The following TAB2 variants were observed in gnomAD, a reference collection of about 807,000 sequenced individuals.
The protein encoded by TAB2 is TGF-beta activated kinase 1 (MAP3K7) binding protein 2.
TAB2 carries 3 observed loss-of-function variants against 65.0 expected under a neutral mutation model. The observed-to-expected ratio is 0.05, with a 90% CI of 0.02 to 0.12. TAB2 has a LOEUF of 0.12. Among genes scored for constraint, TAB2 ranks in the 10% least tolerant of loss-of-function variants. The pLI, the probability that TAB2 is intolerant of heterozygous loss-of-function variation, is 1.00. For synonymous variants in TAB2, 298 were observed against 285.1 expected, an observed-to-expected ratio of 1.05 and a Z score of -0.46; for missense variants, 623 against 840.3, an observed-to-expected ratio of 0.74 and a Z score of 3.20.
At chr6:149,256,625 A>G (rs1238241571) in intron 1 of TAB2, among the ~76,000 whole-genome samples, 1 of 152,168 alleles carries the variant, frequency 6.6e-6, no homozygotes, top group Non-Finnish European at 1.5e-5. Context: ...TAATATGTTT[A>G]TTGCACTAGA....
At chr6:149,282,703 A>G (rs747536452) in intron 1 of TAB2, among the ~76,000 whole-genome samples, 4 of 152,226 alleles carry the variant, frequency 2.6e-5, no homozygotes, top group African/African-American at 9.6e-5. Flanking sequence ...CTCAGATCGT[A>G]TTTTAGGGCA....
At chr6:149,366,837 A>G (rs1221081227) in intron 1 of TAB2, among the ~76,000 whole-genome samples, 1 of 152,072 alleles carries the variant, frequency 6.6e-6, no homozygotes, top group East Asian at 1.9e-4. Flanking sequence ...ATGGTGAGAG[A>G]TTTCAGTGTA....
Position 149,410,273 on chromosome 6 carries a change from A to G in TAB2, c.*554A>G. ...CGTGTCTCCACTCTGTGAAGCCAGC[A>G]TCTAGGGGCTAAAGATGCAAAGGAA... is the stretch of plus-strand genomic sequence containing the variant. On this transcript the variant is annotated 3_prime_UTR_variant, in exon 7 of 7. Transcript: ENST00000637181. 6.1e-6 allele frequency: 1 copy of G among 163,124 alleles called. No homozygotes were observed. The highest frequency in any genetic ancestry group is 1.3e-5 in the Non-Finnish European group (1 of 74,350). The allele number at this position is 163,124 out of a possible 1,614,324, so 10.1% of individuals were successfully genotyped here. A position where few individuals can be genotyped will look rare whatever the true frequency, so the allele number is the denominator to read the frequency against.
intron 1 of TAB2, among the ~76,000 whole-genome samples, chr6:149,240,826 A>G (rs993932284): frequency 1.3e-5 from 2 of 152,214 alleles, no homozygotes; most frequent in Admixed American, 1.3e-4. Flanking sequence ...ATGTAGAGCT[A>G]CAAATTTAAT....
At chr6:149,350,727 T>C (rs891235158) in intron 1 of TAB2, among the ~76,000 whole-genome samples, 4 of 151,314 alleles carry the variant, frequency 2.6e-5, no homozygotes, top group African/African-American at 9.7e-5. Context: ...GGATCCTCCT[T>C]CTTTAGCCTC....
At chr6:149,350,937 T>C (rs1385763168) in intron 1 of TAB2, among the ~76,000 whole-genome samples, 3 of 152,196 alleles carry the variant, frequency 2.0e-5, no homozygotes, top group African/African-American at 7.2e-5. Flanking sequence ...CACTATACCT[T>C]GAAACCTTCA....
chr6:149,395,855 T>C (rs945453601), intron 3 of TAB2, among the ~76,000 whole-genome samples: 2 of 152,218 alleles, frequency 1.3e-5, no homozygotes, highest in South Asian at 4.1e-4. Context: ...TCATTTGTAT[T>C]CTTGTATAAT....
chr6:149,389,345 T>G (rs892450842), intron 3 of TAB2, among the ~76,000 whole-genome samples: 3 of 152,022 alleles, frequency 2.0e-5, no homozygotes, highest in Non-Finnish European at 4.4e-5. Context: ...GAACATATCC[T>G]CTTTTAAATT....
chr6:149,252,439 C>T (rs1429656449), intron 1 of TAB2, among the ~76,000 whole-genome samples: 2 of 149,900 alleles, frequency 1.3e-5, no homozygotes, highest in Non-Finnish European at 3.0e-5. Context: ...GTTCTGTGTG[C>T]ATCTTCTAAG....
intron 1 of TAB2, among the ~76,000 whole-genome samples, chr6:149,229,660 G>A (rs1410532194): frequency 2.6e-5 from 4 of 152,068 alleles, no homozygotes; most frequent in Admixed American, 6.5e-5. Flanking sequence ...CAGCAGGGCC[G>A]GGATCTGGGG....
chr6:149,391,544 A>G (rs977308492), intron 3 of TAB2, among the ~76,000 whole-genome samples: 1 of 151,898 alleles, frequency 6.6e-6, no homozygotes, highest in Non-Finnish European at 1.5e-5. Flanking sequence ...TCTTGGGGGT[A>G]TCAGGGACAG....
chr6:149,377,724 G>C (rs1212726678), intron 2 of TAB2, among the ~76,000 whole-genome samples: 2 of 152,014 alleles, frequency 1.3e-5, no homozygotes, highest in East Asian at 3.8e-4. Flanking sequence ...TTTTAATTAG[G>C]TTATAATTTT....
At chr6:149,381,917 T>A (rs1443559219) in intron 3 of TAB2, among the ~76,000 whole-genome samples, 2 of 152,082 alleles carry the variant, frequency 1.3e-5, no homozygotes, top group Admixed American at 1.3e-4. Context: ...GTCTCAGCAA[T>A]CATCACCTTT....
chr6:149,359,037 CCA>C (rs1302883695), intron 1 of TAB2, among the ~76,000 whole-genome samples: 10 of 152,038 alleles, frequency 6.6e-5, no homozygotes, highest in East Asian at 5.8e-4. Flanking sequence ...CCTTTTATCT[CCA>C]CAGTCATTTT....
At chr6:149,263,832 G>A in intron 1 of TAB2, among the ~76,000 whole-genome samples, 1 of 152,220 alleles carries the variant, frequency 6.6e-6, no homozygotes. Flanking sequence ...TAGCAGACAT[G>A]CCTCTCACAG....
intron 1 of TAB2, among the ~76,000 whole-genome samples, chr6:149,220,386 T>G (rs1191141409): frequency 2.0e-5 from 3 of 152,234 alleles, no homozygotes; most frequent in African/African-American, 7.2e-5. Flanking sequence ...TCTGTTACTT[T>G]AAACTCCATT....
rs1404823140 is a variant in TAB2 at position 149,411,536 on chromosome 6, T to C, written c.*1817T>C. The C allele has an allele frequency of 6.5e-6, 1 of 153,294 alleles. No homozygotes were observed. Among genetic ancestry groups the C allele is most frequent in the African/African-American group, 2.4e-5 (1 of 41,464 alleles). The allele number at this position is 153,294 out of a possible 1,614,324, so 9.5% of individuals were successfully genotyped here. ...TTTGGATATCTTGAGTTGATGGTTT[T>C]GTGATTTAGCTGGGTAAACTATCTT... is the stretch of plus-strand genomic sequence containing the variant. On this transcript the variant is annotated 3_prime_UTR_variant, in exon 7 of 7. Transcript: ENST00000637181.
At chr6:149,243,261 G>A (rs1162755373) in intron 1 of TAB2, 1 of 152,098 alleles carries the variant, frequency 6.6e-6, no homozygotes, top group African/African-American at 2.4e-5. Flanking sequence ...CTTTGGGCAG[G>A]CTCTTCAGAC....
chr6:149,304,522 G>T (rs2114706154), intron 1 of TAB2: 1 of 152,486 alleles, frequency 6.6e-6, no homozygotes, highest in East Asian at 1.9e-4. Context: ...ACATGTCCGG[G>T]CTCACCAGAC....
Sources: allele counts gnomAD v4.1 joint callset (sites outside exome capture counted in the v4.1 genomes callset), GRCh38; gene constraint gnomAD v4.1.1; transcripts MANE v1.5; gene names NCBI Gene and HGNC (gene_info 2026-07-23, HGNC 2026-07-21).